PIK3C2G: variants seen among roughly 807,000 people sequenced by gnomAD.
PIK3C2G encodes the protein phosphatidylinositol-4-phosphate 3-kinase catalytic subunit type 2 gamma, also known as phosphatidylinositol 3-kinase C2 domain-containing subunit gamma.
A neutral mutation model predicts 181.1 loss-of-function variants in PIK3C2G; 168 were observed. That is an observed-to-expected ratio of 0.93 (90% CI 0.82 to 1.05). The LOEUF (loss-of-function observed/expected upper bound fraction) is 1.05, where lower values mean the gene tolerates loss of function less well. PIK3C2G is among the 50% of genes least tolerant of loss of function. PIK3C2G has a pLI of 0.00. For missense variants in PIK3C2G, 1,869 were observed against 1,732.8 expected (o/e 1.08, Z -1.40); for synonymous variants, 573 against 592.2 (o/e 0.97, Z 0.47).
downstream of PIK3C2G, among the ~76,000 whole-genome samples, chr12:18,649,285 C>G (rs891762311): frequency 6.6e-6 from 1 of 152,066 alleles, no homozygotes; most frequent in East Asian, 1.9e-4. Flanking sequence ...TCCAGGTAAG[C>G]AAATTCCATG....
the PIK3C2G span, among the ~76,000 whole-genome samples, chr12:18,697,664 C>T: frequency 2.0e-5 from 3 of 152,138 alleles, no homozygotes; most frequent in Non-Finnish European, 2.9e-5. Flanking sequence ...AACTCCTTCA[C>T]ATATATCTTC....
At chr12:18,441,377 G>A (rs954760759) in intron 18 of PIK3C2G, among the ~76,000 whole-genome samples, 1 of 152,146 alleles carries the variant, frequency 6.6e-6, no homozygotes, top group Non-Finnish European at 1.5e-5. Flanking sequence ...GAGGGACATG[G>A]TCTATGAAAA....
intron 13 of PIK3C2G, among the ~76,000 whole-genome samples, chr12:18,380,086 A>G (rs922941035): frequency 6.6e-6 from 1 of 152,128 alleles, no homozygotes; most frequent in Non-Finnish European, 1.5e-5. Context: ...GGGAGTGAGA[A>G]GAGGAGCGCC....
chr12:18,301,279 T>C (rs1950165381), intron 5 of PIK3C2G, among the ~76,000 whole-genome samples: 1 of 152,198 alleles, frequency 6.6e-6, no homozygotes, highest in Non-Finnish European at 1.5e-5. Context: ...TTTTCAGCTA[T>C]TGTTTTATTA....
At chr12:18,607,188 T>C in intron 30 of PIK3C2G, 1 of 515,826 alleles carries the variant, frequency 1.9e-6, no homozygotes, top group South Asian at 1.4e-5. Context: ...AAGGTAGAAG[T>C]TCAATAGACA....
intron 24 of PIK3C2G, among the ~76,000 whole-genome samples, chr12:18,509,720 G>T (rs1353180442): frequency 6.6e-6 from 1 of 152,168 alleles, no homozygotes; most frequent in Non-Finnish European, 1.5e-5. Flanking sequence ...TTCTAAGAGA[G>T]AAAAATTAAA....
chr12:18,431,227 A>T (rs989551560), intron 18 of PIK3C2G, among the ~76,000 whole-genome samples: 1 of 152,202 alleles, frequency 6.6e-6, no homozygotes, highest in African/African-American at 2.4e-5. Flanking sequence ...TGATTATGGG[A>T]ATTAGTTTAT....
At chr12:18,309,010 A>T (rs1199437024) in intron 5 of PIK3C2G, among the ~76,000 whole-genome samples, 2 of 151,730 alleles carry the variant, frequency 1.3e-5, no homozygotes, top group African/African-American at 4.8e-5. Flanking sequence ...CCTCACACAA[A>T]TATGGTTTGT....
intron 13 of PIK3C2G, among the ~76,000 whole-genome samples, chr12:18,377,198 G>C (rs1433721686): frequency 6.6e-6 from 1 of 152,160 alleles, no homozygotes; most frequent in Non-Finnish European, 1.5e-5. Flanking sequence ...GGCTAAAATT[G>C]ATAATTGCTT....
At chr12:18,345,089 A>G (rs1012028294) in intron 10 of PIK3C2G, among the ~76,000 whole-genome samples, 4 of 152,152 alleles carry the variant, frequency 2.6e-5, no homozygotes, top group Non-Finnish European at 5.9e-5. Flanking sequence ...GTTCACTTGC[A>G]CAATGTTGGG....
At chr12:18,716,109 T>G in the PIK3C2G span, among the ~76,000 whole-genome samples, 1 of 152,210 alleles carries the variant, frequency 6.6e-6, no homozygotes, top group Admixed American at 6.5e-5. Context: ...TTGTAAAGTT[T>G]CTTAATTTCT....
intron 18 of PIK3C2G, among the ~76,000 whole-genome samples, chr12:18,442,100 T>C (rs898962911): frequency 2.1e-4 from 32 of 152,300 alleles, no homozygotes; most frequent in Middle Eastern, 3.4e-3. Context: ...ATCTGCACTA[T>C]AGTAATATAG....
At chr12:18,694,711 A>C in the PIK3C2G span, among the ~76,000 whole-genome samples, 4 of 152,194 alleles carry the variant, frequency 2.6e-5, no homozygotes, top group Non-Finnish European at 4.4e-5. Context: ...CAGGCAGATA[A>C]TCATTCATGT....
At chr12:18,698,889 T>G in the PIK3C2G span, among the ~76,000 whole-genome samples, 342 of 152,256 alleles carry the variant, frequency 2.2e-3, 8 homozygotes, top group East Asian at 0.052. Flanking sequence ...AACTATAGTT[T>G]TGTATCCATT....
At position 18,648,359 on chromosome 12, in the gene PIK3C2G, G is replaced by A. The variant is rs1950264828; in HGVS notation, c.*331G>A. On this transcript the variant is annotated 3_prime_UTR_variant, in exon 33 of 33. Coordinates refer to ENST00000538779, the MANE Select transcript of PIK3C2G (RefSeq NM_001288772.2). ...AATTGTGTGCCTACAGTTAAAAGCA[G>A]TATTTTTAATGTATTTTATAAGAAA... is the stretch of plus-strand genomic sequence containing the variant. 4.4e-6 allele frequency: 1 copy of A among 224,888 alleles called. No individual in the cohort carries two copies. Among genetic ancestry groups the A allele is most frequent in the African/African-American group, 2.2e-5 (1 of 44,874 alleles). 13.9% of individuals were successfully genotyped at this position (224,888 alleles called of 1,614,324 possible).
chr12:18,554,702 A>G (rs1944910767), intron 26 of PIK3C2G, among the ~76,000 whole-genome samples: 1 of 152,124 alleles, frequency 6.6e-6, no homozygotes, highest in South Asian at 2.1e-4. Context: ...GTAGTAAAAT[A>G]GGAATTATCC....
Position 18,439,762 on chromosome 12 carries a change from C to A in PIK3C2G, c.2504+15723C>A, listed in dbSNP as rs528247659. On this transcript the variant is annotated intron_variant, in intron 18 of 32. Coordinates refer to ENST00000538779, the MANE Select transcript of PIK3C2G (RefSeq NM_001288772.2). ...TGTCTGCCTCATTCAAGATTCTATC[C>A]ATACCACGTCATTCTCCATATTGCT... Among the ~76,000 whole-genome samples, 33 of 152,132 alleles carry A rather than the reference C, an allele frequency of 2.2e-4. No individual in the cohort carries two copies. The South Asian group carries it at 6.7e-3, about 31-fold the overall frequency.
At chr12:18,683,343 C>G in the PIK3C2G span, 20 of 1,607,778 alleles carry the variant, frequency 1.2e-5, no homozygotes, top group Admixed American at 8.4e-5. Context: ...GGAATTATAT[C>G]TAATTAGACC....
intron 16 of PIK3C2G, among the ~76,000 whole-genome samples, chr12:18,403,219 G>A (rs1426211734): frequency 6.6e-6 from 1 of 152,088 alleles, no homozygotes; most frequent in African/African-American, 2.4e-5. Context: ...ATTTTTAGAG[G>A]TTATGGGGAC....
Sources: allele counts gnomAD v4.1 joint callset (sites outside exome capture counted in the v4.1 genomes callset), GRCh38; gene constraint gnomAD v4.1.1; transcripts MANE v1.5; gene names NCBI Gene and HGNC (gene_info 2026-07-23, HGNC 2026-07-21).